Variants in PKHD1 observed in about 807,000 individuals in gnomAD.
The protein encoded by PKHD1 is fibrocystin.
Under a neutral mutation model 412.0 loss-of-function variants are expected in PKHD1, and 291 were observed. That is an observed-to-expected ratio of 0.71 (90% CI 0.64 to 0.78). The LOEUF is 0.78. PKHD1 is among the 30% of genes least tolerant of loss of function. The pLI is 0.00. For synonymous variants in PKHD1, 1,777 were observed against 1,821.5 expected (o/e 0.98, Z 0.62); for missense variants, 4,825 against 4,950.7 (o/e 0.97, Z 0.76).
rs1352744205 is a variant in PKHD1 at position 52,024,633 on chromosome 6, G to A, written c.5177C>T (p.Ala1726Val). 3.7e-6 allele frequency: 6 copies of A among 1,614,126 alleles called. 1 individual carries two copies. In the South Asian group the frequency reaches 6.6e-5, roughly 18 times the overall value. ...TGAGGTGAACACCAGGGCAGATGAGGCCCACCCTCTGATGCAGTCATAGCC... is the reference window on the plus strand; with the variant it reads ...TGAGGTGAACACCAGGGCAGATGAGACCCACCCTCTGATGCAGTCATAGCC... ...VRGYDCIRGW[A>V]SSALVFTSRV... Residue 1726 changes from alanine to valine, a missense_variant, in exon 32 of 67, where the codon GCC becomes GTC. Coordinates refer to ENST00000371117, the MANE Select transcript of PKHD1 (RefSeq NM_138694.4).
At chr6:51,720,594 T>G (rs1324329982) in intron 60 of PKHD1, among the ~76,000 whole-genome samples, 1 of 152,186 alleles carries the variant, frequency 6.6e-6, no homozygotes, top group African/African-American at 2.4e-5. Context: ...CCACCTGCCT[T>G]GACAACTCAC....
At chr6:51,644,611 A>G (rs1420540186) in intron 63 of PKHD1, among the ~76,000 whole-genome samples, 1 of 152,166 alleles carries the variant, frequency 6.6e-6, no homozygotes, top group Non-Finnish European at 1.5e-5. Flanking sequence ...CCTGAAAAAA[A>G]CATTTTGGAC....
intron 52 of PKHD1, among the ~76,000 whole-genome samples, chr6:51,807,477 A>G (rs377064760): frequency 0.053 from 3,807 of 71,564 alleles, 153 homozygotes; most frequent in Middle Eastern, 0.094. Context: ...ATATATATAT[A>G]TATGTATATG....
intron 60 of PKHD1, among the ~76,000 whole-genome samples, chr6:51,673,211 C>T (rs896954347): frequency 6.6e-6 from 1 of 152,206 alleles, no homozygotes; most frequent in African/African-American, 2.4e-5. Context: ...TAACTGTCAG[C>T]TTCCGTGTTT....
intron 52 of PKHD1, among the ~76,000 whole-genome samples, chr6:51,811,403 G>A (rs1343901147): frequency 6.6e-6 from 1 of 152,118 alleles, no homozygotes; most frequent in African/African-American, 2.4e-5. Context: ...TTCCTACTCT[G>A]GGTAACTACA....
intron 23 of PKHD1, among the ~76,000 whole-genome samples, chr6:52,047,178 T>C (rs1310700070): frequency 6.6e-6 from 1 of 152,218 alleles, no homozygotes; most frequent in Non-Finnish European, 1.5e-5. Context: ...AGGAAGTCTC[T>C]ACGGATGAGC....
chr6:51,934,384 T>A, intron 36 of PKHD1, 62 bp from the exon 37 acceptor site: 26 of 987,592 alleles, frequency 2.6e-5, no homozygotes, highest in South Asian at 2.3e-4. Context: ...TTTGTCAGTT[T>A]CAATGCCTGA....
In PKHD1 at chr6:51,632,721, C is replaced by T. The variant is rs9474034; in HGVS notation, c.11509G>A (p.Val3837Ile). The T allele has an allele frequency of 8.6e-3, 13,808 of 1,612,518 alleles. 1,046 individuals carry two copies. The African/African-American group carries it at 0.16, about 19-fold the overall frequency. ...GGCTTGGATCGAGCTGTAAAATTGACTCCTGTGGCGGGGAAAAGAAGATGT... is the reference window on the plus strand; with the variant it reads ...GGCTTGGATCGAGCTGTAAAATTGATTCCTGTGGCGGGGAAAAGAAGATGT... The part of the protein sequence containing the change: ...FIFTVTSPPG[V>I]NFTARSKPFA... The change falls in exon 65 of 67, where the codon GTC becomes ATC. Residue 3837 changes from valine to isoleucine, a missense_variant and splice_region_variant. Physicochemically the swap from Val to Ile is conservative, Grantham distance 29. Transcript: ENST00000371117.
At chr6:51,757,736 T>C (rs1163495013) in intron 55 of PKHD1, among the ~76,000 whole-genome samples, 4 of 152,064 alleles carry the variant, frequency 2.6e-5, no homozygotes, top group Admixed American at 2.6e-4. Context: ...GTACAGTGCC[T>C]CTTGCCTTAT....
At chr6:51,908,150 G>C (rs1221779659) in intron 40 of PKHD1, among the ~76,000 whole-genome samples, 3 of 152,152 alleles carry the variant, frequency 2.0e-5, no homozygotes, top group Admixed American at 2.0e-4. Flanking sequence ...CACTAGCGGA[G>C]AGGCCATATG....
At chr6:51,821,925 G>T (rs1225269136) in intron 52 of PKHD1, among the ~76,000 whole-genome samples, 1 of 152,194 alleles carries the variant, frequency 6.6e-6, no homozygotes, top group African/African-American at 2.4e-5. Context: ...GACCTCAAGT[G>T]ATCCGCCTGC....
In PKHD1 at chr6:51,659,915, A is replaced by T. The variant is rs1379263195; in HGVS notation, c.10211T>A (p.Ile3404Asn). ...GACCACTTGGTCAGTCTGTTTGCAG[A>T]TGAATCCTTGCATCAGAAATTGGTA... ...CTYQFLMQGF[I>N]CKQTDQVVLI... Residue 3404 changes from isoleucine to asparagine, a missense_variant, in exon 61 of 67, where the codon ATC (isoleucine) becomes AAC (asparagine). Transcript: ENST00000371117. The T allele has an allele frequency of 6.2e-7, 1 of 1,612,656 alleles. No homozygotes were observed. Among genetic ancestry groups the T allele is most frequent in the African/African-American group, 1.3e-5 (1 of 75,018 alleles).
At chr6:52,050,417 ACTTAT>A (rs1250366448) in intron 21 of PKHD1, 122 bp from the exon 22 acceptor site, 1 of 968,358 alleles carries the variant, frequency 1.0e-6, no homozygotes, top group African/African-American at 1.6e-5. Flanking sequence ...ATAGATTCCT[ACTTAT>A]CTGCTGCCAT....
intron 61 of PKHD1, among the ~76,000 whole-genome samples, chr6:51,654,263 C>T (rs1771448540): frequency 6.6e-6 from 1 of 152,062 alleles, no homozygotes; most frequent in South Asian, 2.1e-4. Context: ...GGATTAATGG[C>T]TAAGCAGCTT....
At chr6:51,720,823 C>G (rs1781837015) in intron 60 of PKHD1, 1 of 177,054 alleles carries the variant, frequency 5.6e-6, no homozygotes, top group Admixed American at 6.6e-5. Flanking sequence ...TTGATTCTCC[C>G]TAATAAGAAA....
At chr6:52,048,734 G>A (rs947919380) in intron 22 of PKHD1, 115 bp from the exon 23 acceptor site, 2 of 1,232,240 alleles carry the variant, frequency 1.6e-6, no homozygotes, top group Non-Finnish European at 2.3e-6. Context: ...AAAGAGCTAA[G>A]GGACCTGAGG....
intron 36 of PKHD1, among the ~76,000 whole-genome samples, chr6:51,936,687 C>T (rs554357996): frequency 2.2e-4 from 34 of 152,280 alleles, no homozygotes; most frequent in Admixed American, 1.4e-3. Flanking sequence ...CAGGCCATGA[C>T]GGGGAGTGTC....
At chr6:51,779,939 G>T (rs1409483497) in intron 53 of PKHD1, among the ~76,000 whole-genome samples, 1 of 152,064 alleles carries the variant, frequency 6.6e-6, no homozygotes, top group East Asian at 1.9e-4. Context: ...ATCATATGAT[G>T]ATGATAAAGC....
chr6:52,001,069 A>G lies in PKHD1; in HGVS notation c.5751+9240T>C, dbSNP rs1037398375. ...AATCATTTTTATAATATCATATTTA[A>G]TGGGAAATTCAAAGTTGAATTATTT... is the stretch of plus-strand genomic sequence containing the variant. On this transcript the variant is annotated intron_variant, in intron 35 of 66. Transcript: ENST00000371117. Among the ~76,000 whole-genome samples the G allele has an allele frequency of 9.5e-4, 145 of 152,286 alleles. 1 individual carries two copies. The highest frequency in any genetic ancestry group is 3.8e-4 in the Non-Finnish European group (26 of 68,018).
Sources: allele counts gnomAD v4.1 joint callset (sites outside exome capture counted in the v4.1 genomes callset), GRCh38; gene constraint gnomAD v4.1.1; transcripts MANE v1.5; gene names NCBI Gene and HGNC (gene_info 2026-07-23, HGNC 2026-07-21).